RPA1: variants seen among roughly 807,000 people sequenced by gnomAD.
The protein encoded by RPA1 is replication protein A1.
RPA1 carries 49 observed loss-of-function variants against 83.0 expected under a neutral mutation model. The ratio of observed to expected loss-of-function variants is 0.59; its 90% CI spans 0.47 to 0.75. RPA1 has a LOEUF of 0.75. RPA1 is among the 30% of genes least tolerant of loss of function. The pLI is 0.00. For synonymous variants in RPA1, 279 were observed against 281.8 expected (o/e 0.99, Z 0.10); for missense variants, 693 against 776.1 (o/e 0.89, Z 1.27).
At chr17:1,891,976 T>C (rs758735432) in intron 15 of RPA1, 36 bp downstream of exon 15, 1 of 1,438,148 alleles carries the variant, frequency 7.0e-7, no homozygotes, top group South Asian at 1.2e-5. Flanking sequence ...TCTATAACTT[T>C]TAATGGTTCT....
At chr17:1,859,529 T>A (rs1227718049) in intron 5 of RPA1, among the ~76,000 whole-genome samples, 1 of 152,186 alleles carries the variant, frequency 6.6e-6, no homozygotes, top group Non-Finnish European at 1.5e-5. Context: ...ACTTGATGAG[T>A]TGACTCTTAT....
intron 15 of RPA1, among the ~76,000 whole-genome samples, chr17:1,892,963 T>C (rs1914257618): frequency 6.6e-6 from 1 of 152,184 alleles, no homozygotes; most frequent in Non-Finnish European, 1.5e-5. Context: ...AGATGGCTTT[T>C]CCCCCGATTT....
intron 1 of RPA1, among the ~76,000 whole-genome samples, chr17:1,837,373 A>C (rs993063176): frequency 6.6e-6 from 1 of 152,124 alleles, no homozygotes; most frequent in African/African-American, 2.4e-5. Context: ...TTATTTACTT[A>C]TTATTGCACA....
intron 14 of RPA1, among the ~76,000 whole-genome samples, chr17:1,889,338 T>TA (rs1351597768): frequency 1.3e-5 from 2 of 151,018 alleles, no homozygotes; most frequent in African/African-American, 4.9e-5. Flanking sequence ...TAAAAAAATT[T>TA]TTTTTTTTTT....
At chr17:1,839,633 T>C (rs1911964950) in intron 1 of RPA1, among the ~76,000 whole-genome samples, 1 of 150,664 alleles carries the variant, frequency 6.6e-6, no homozygotes, top group Non-Finnish European at 1.5e-5. Flanking sequence ...GCCTCTAGCT[T>C]CATTTTTTTT....
chr17:1,866,692 T>A (rs544084129), intron 5 of RPA1, among the ~76,000 whole-genome samples: 9 of 152,350 alleles, frequency 5.9e-5, no homozygotes, highest in Non-Finnish European at 1.3e-4. Flanking sequence ...AACTCCTGAC[T>A]TCAGGTGATC....
At chr17:1,868,808 TA>T (rs1475111727) in intron 5 of RPA1, among the ~76,000 whole-genome samples, 1 of 152,264 alleles carries the variant, frequency 6.6e-6, no homozygotes, top group Non-Finnish European at 1.5e-5. Context: ...ACTTCAGACA[TA>T]ATTCGTGCTT....
intron 5 of RPA1, among the ~76,000 whole-genome samples, chr17:1,864,173 C>T (rs1913090897): frequency 6.6e-6 from 1 of 152,240 alleles, no homozygotes; most frequent in South Asian, 2.1e-4. Flanking sequence ...ACTGTCTCTG[C>T]TGCTCCCAAT....
intron 11 of RPA1, 124 bp from the exon 12 acceptor site, chr17:1,880,419 G>T: frequency 4.1e-6 from 4 of 979,522 alleles, no homozygotes; most frequent in Admixed American, 2.2e-5. Flanking sequence ...GGTCTGTCTT[G>T]TATGGATTCC....
chr17:1,854,682 A>G (rs6503012), intron 5 of RPA1, among the ~76,000 whole-genome samples: 127,796 of 152,120 alleles, frequency 0.84, 54,300 homozygotes, highest in Non-Finnish European at 0.92. Context: ...CCAGCCTGGG[A>G]ACACAGCAAG....
chr17:1,894,264 C>A (rs867889449), intron 15 of RPA1, among the ~76,000 whole-genome samples: 2 of 151,598 alleles, frequency 1.3e-5, no homozygotes. Context: ...CCTCTCAGGT[C>A]GAAGCAATTC....
Position 1,830,104 on chromosome 17 carries a change from A to C in RPA1, c.11A>C (p.Gln4Pro). 1 of 1,250,268 alleles carries C rather than the reference A, an allele frequency of 8.0e-7. No homozygotes were observed. Among genetic ancestry groups the C allele is most frequent in the East Asian group, 3.1e-5 (1 of 31,864 alleles). 77.4% of individuals were successfully genotyped at this position (1,250,268 alleles called of 1,614,324 possible). The change falls in exon 1 of 17, where the codon CAA becomes CCA. Residue 4 changes from glutamine (Q) to proline (P), a missense_variant. By Grantham distance (76) the Gln-to-Pro change is moderately conservative. Coordinates refer to ENST00000254719, the MANE Select transcript of RPA1 (RefSeq NM_002945.5). MVG[Q>P]LSEGAIAAIM... is the part of the protein sequence containing the mutation. ...CTTGGCGGTGGAGCCATGGTCGGCC[A>C]ACTGAGCGAGGGGGCCATTGCGGTG...
At chr17:1,830,840 A>G (rs2151262853) in intron 1 of RPA1, among the ~76,000 whole-genome samples, 1 of 151,668 alleles carries the variant, frequency 6.6e-6, no homozygotes, top group African/African-American at 2.4e-5. Flanking sequence ...ATCTCGGCTC[A>G]CTGCAACCTC....
chr17:1,872,553 G>T, intron 6 of RPA1, 27 bp downstream of exon 6: 1 of 1,610,286 alleles, frequency 6.2e-7, no homozygotes, highest in Non-Finnish European at 8.5e-7. Flanking sequence ...GGCGTGCGCT[G>T]ACCAGGGGTG....
intron 5 of RPA1, among the ~76,000 whole-genome samples, chr17:1,870,581 A>G (rs1376593966): frequency 6.6e-6 from 1 of 152,210 alleles, no homozygotes. Flanking sequence ...GAACTTTTTC[A>G]TCATCCCAAA....
intron 12 of RPA1, 137 bp downstream of exon 12, chr17:1,880,828 A>G (rs1048856091): frequency 2.5e-5 from 30 of 1,200,288 alleles, no homozygotes; most frequent in Non-Finnish European, 2.8e-5. Flanking sequence ...TCTTGAAGGC[A>G]TTATGCCTTC....
chr17:1,846,511 G>A (rs914805191), intron 4 of RPA1, among the ~76,000 whole-genome samples: 2 of 151,796 alleles, frequency 1.3e-5, no homozygotes, highest in Middle Eastern at 6.8e-3. Context: ...TAGTAGAGAC[G>A]GGGTTTCACC....
intron 1 of RPA1, among the ~76,000 whole-genome samples, chr17:1,838,872 A>T (rs1911930039): frequency 6.6e-6 from 1 of 151,938 alleles, no homozygotes; most frequent in Non-Finnish European, 1.5e-5. Context: ...TATTTTTGAG[A>T]TGGAGCCTCG....
At chr17:1,889,318 A>G (rs948406473) in intron 14 of RPA1, among the ~76,000 whole-genome samples, 2 of 140,878 alleles carry the variant, frequency 1.4e-5, no homozygotes, top group African/African-American at 5.2e-5. Flanking sequence ...AAAAGTTGTA[A>G]AGTTGGGTTT....
Sources: gnomAD v4.1 joint callset for allele counts (sites outside exome capture counted in the v4.1 genomes callset) on GRCh38, gnomAD v4.1.1 for gene constraint, MANE v1.5 for transcripts, NCBI Gene and HGNC (gene_info 2026-07-23, HGNC 2026-07-21) for gene names.